The following ALKBH4 variants were observed in gnomAD, a reference collection of about 807,000 sequenced individuals.
ALKBH4 encodes the protein alpha-ketoglutarate-dependent dioxygenase alkB homolog 4.
In ALKBH4, 8 loss-of-function variants were observed where a neutral mutation model predicts 12.1. The ratio of observed to expected loss-of-function variants is 0.66; its 90% CI spans 0.39 to 1.19. The LOEUF (loss-of-function observed/expected upper bound fraction) is 1.19. Among genes scored for constraint, ALKBH4 ranks in the 50% most tolerant of loss-of-function variants. ALKBH4 has a pLI of 0.01. For synonymous variants in ALKBH4, 195 were observed against 191.6 expected (o/e 1.02, Z -0.15); for missense variants, 403 against 430.4 (o/e 0.94, Z 0.56).
chr7:102,463,313 A>G (rs2133256425), intron 1 of ALKBH4, among the ~76,000 whole-genome samples: 1 of 145,024 alleles, frequency 6.9e-6, no homozygotes, highest in African/African-American at 2.5e-5. Context: ...TTTGTGGATC[A>G]AGTCATCTCT....
chr7:102,460,331 A>T (rs1472080098), intron 1 of ALKBH4, among the ~76,000 whole-genome samples: 4 of 26,254 alleles, frequency 1.5e-4, no homozygotes, highest in African/African-American at 3.1e-4. Flanking sequence ...TCTCAAAAAA[A>T]AAAAAAGAAA....
At chr7:102,464,218 G>C (rs1310221243) in intron 1 of ALKBH4, among the ~76,000 whole-genome samples, 6 of 152,186 alleles carry the variant, frequency 3.9e-5, no homozygotes, top group Admixed American at 3.9e-4. Context: ...TTGTGAGACA[G>C]AGTCTCGCTC....
rs560144986 is a variant in ALKBH4, at chr7:102,464,021, G to A, written c.123+693C>T. On this transcript the variant is annotated intron_variant, in intron 1 of 2. Coordinates refer to ENST00000292566, the MANE Select transcript of ALKBH4 (RefSeq NM_017621.4). ...GCCTGCTCAGCTGATGCACCGGGGA[G>A]CATCTGTGATCAGACCTCCCCCCCC... 2.6e-5 allele frequency among the ~76,000 whole-genome samples: 4 copies of A among 151,108 alleles called. No homozygotes were observed. In the South Asian group the frequency reaches 8.4e-4, roughly 32 times the overall value.
chr7:102,456,793 T>C lies in ALKBH4; in HGVS notation c.*601A>G, dbSNP rs1323211857. 1 of 151,986 alleles carries C rather than the reference T, an allele frequency of 6.6e-6. No homozygotes were observed. The highest frequency in any genetic ancestry group is 1.5e-5 in the Non-Finnish European group (1 of 68,052). 9.4% of individuals were successfully genotyped at this position (151,986 alleles called of 1,614,324 possible). The stretch of plus-strand genomic sequence containing the variant: ...GAGATATCGGGAAACCCCATGAAAA[T>C]AGATGCATAATAAAGGTGAAAATCA... On this transcript the variant is annotated 3_prime_UTR_variant, in exon 3 of 3. Coordinates refer to ENST00000292566, the MANE Select transcript of ALKBH4 (RefSeq NM_017621.4).
At chr7:102,459,827 G>T in intron 1 of ALKBH4, 26 bp from the exon 2 acceptor site, 2 of 1,566,790 alleles carry the variant, frequency 1.3e-6, no homozygotes, top group Non-Finnish European at 1.7e-6. Flanking sequence ...AAGTCCACAG[G>T]CTGGGCAACA....
In ALKBH4 at chr7:102,463,851, G is replaced by A. The variant is rs144404115; in HGVS notation, c.123+863C>T. Among the ~76,000 whole-genome samples, 124 of 152,350 alleles carry A rather than the reference G, an allele frequency of 8.1e-4. No individual in the cohort carries two copies. In the South Asian group the frequency reaches 9.7e-3, roughly 12 times the overall value. Reference sequence around the variant, plus strand: ...GACCTTGGGCACTTTTACCATGGACGTTGGGGCAGTCTTCACTGGCTTACC... The same window carrying A: ...GACCTTGGGCACTTTTACCATGGACATTGGGGCAGTCTTCACTGGCTTACC... On this transcript the variant is annotated intron_variant, in intron 1 of 2. Coordinates refer to ENST00000292566, the MANE Select transcript of ALKBH4 (RefSeq NM_017621.4).
At position 102,460,887 on chromosome 7, in the gene ALKBH4, C is replaced by T. The variant is rs143649360; in HGVS notation, c.124-1086G>A. ...CCTCAGTGTCCCAACCTCCCTTCTC[C>T]TCACTCTTGTCCTCAGGGCACCTTT... On this transcript the variant is annotated intron_variant, in intron 1 of 2. Coordinates refer to ENST00000292566, the MANE Select transcript of ALKBH4 (RefSeq NM_017621.4). Among the ~76,000 whole-genome samples the T allele has an allele frequency of 7.7e-4, 117 of 152,302 alleles. 1 individual carries two copies. The highest frequency in any genetic ancestry group is 2.8e-3 in the African/African-American group (116 of 41,564).
chr7:102,457,354 C>G lies in ALKBH4; in HGVS notation c.*40G>C. On this transcript the variant is annotated 3_prime_UTR_variant, in exon 3 of 3. Transcript: ENST00000292566. The surrounding 1 kb of genome is among the most constrained non-coding windows in gnomAD (Gnocchi z 5.9). Reference sequence around the variant, plus strand: ...AGGCCCTGTTCTGTGCTCCTCATTTCAATCCCGGGATCAGTCAAGTCTGGA... The same window carrying G: ...AGGCCCTGTTCTGTGCTCCTCATTTGAATCCCGGGATCAGTCAAGTCTGGA... 6.4e-7 allele frequency: 1 copy of G among 1,571,184 alleles called. No homozygotes were observed.
intron 1 of ALKBH4, among the ~76,000 whole-genome samples, chr7:102,462,095 C>T (rs1349942452): frequency 2.0e-5 from 3 of 152,216 alleles, no homozygotes; most frequent in African/African-American, 7.2e-5. Context: ...CTGGGAGTCC[C>T]CCGTGTGTCG....
chr7:102,461,017 C>CT (rs1023804294), intron 1 of ALKBH4, among the ~76,000 whole-genome samples: 36 of 152,274 alleles, frequency 2.4e-4, no homozygotes, highest in African/African-American at 8.4e-4. Context: ...TGGCGGTACT[C>CT]TAAGGGTTCC....
At chr7:102,463,770 C>T (rs956033846) in intron 1 of ALKBH4, among the ~76,000 whole-genome samples, 5 of 152,174 alleles carry the variant, frequency 3.3e-5, no homozygotes, top group Admixed American at 6.5e-5. Context: ...AGCAGGATTG[C>T]GGATCATGGG....
chr7:102,458,100 T>C (rs1797702127), intron 2 of ALKBH4, 119 bp from the exon 3 acceptor site: 4 of 1,010,390 alleles, frequency 4.0e-6, no homozygotes, highest in Non-Finnish European at 5.6e-6. Flanking sequence ...CCTGGCTTCA[T>C]GGAGGTGAAG....
Position 102,456,777 on chromosome 7 carries a change from G to A in ALKBH4, c.*617C>T, listed in dbSNP as rs1257323737. ...GAAGGGACTGGACAGTGAGATATCG[G>A]GAAACCCCATGAAAATAGATGCATA... is the stretch of plus-strand genomic sequence containing the variant. On this transcript the variant is annotated 3_prime_UTR_variant, in exon 3 of 3. Transcript: ENST00000292566. The A allele has an allele frequency of 6.6e-6, 1 of 152,006 alleles. No homozygotes were observed. Among genetic ancestry groups the A allele is most frequent in the Non-Finnish European group, 1.5e-5 (1 of 68,086 alleles). 9.4% of individuals were successfully genotyped at this position (152,006 alleles called of 1,614,324 possible).
chr7:102,457,221 G>C lies in ALKBH4; in HGVS notation c.*173C>G, dbSNP rs1175132018. ...GTGTGGCCACGGTCCAGGTGGAAGG[G>C]GGCTGCCTGGAGGTACGTTCCCATC... On this transcript the variant is annotated 3_prime_UTR_variant, in exon 3 of 3. Transcript: ENST00000292566. The surrounding 1 kb of genome is among the most constrained non-coding windows in gnomAD (Gnocchi z 5.9). 4.4e-6 allele frequency: 3 copies of C among 685,060 alleles called. No homozygotes were observed. In the African/African-American group the frequency reaches 5.4e-5, roughly 12 times the overall value. The allele number at this position is 685,060 out of a possible 1,614,324, so 42.4% of individuals were successfully genotyped here.
intron 2 of ALKBH4, chr7:102,459,337 CT>C: frequency 2.7e-6 from 1 of 372,496 alleles, no homozygotes; most frequent in Non-Finnish European, 4.9e-6. Flanking sequence ...AATGGGGTGC[CT>C]TCACCACCAC....
intron 2 of ALKBH4, 64 bp downstream of exon 2, chr7:102,459,540 C>T: frequency 2.0e-6 from 3 of 1,531,226 alleles, no homozygotes; most frequent in South Asian, 1.3e-5. Flanking sequence ...GGGGATGGCC[C>T]CCAGCAGTAG....
chr7:102,464,250 G>A (rs1392701604), intron 1 of ALKBH4, among the ~76,000 whole-genome samples: 8 of 152,172 alleles, frequency 5.3e-5, no homozygotes, highest in African/African-American at 1.9e-4. Flanking sequence ...CTGAAGTGAG[G>A]TGGCTCGATC....
intron 1 of ALKBH4, among the ~76,000 whole-genome samples, chr7:102,462,955 CTTTTT>C (rs200495061): frequency 2.5e-5 from 3 of 121,914 alleles, no homozygotes; most frequent in Non-Finnish European, 3.4e-5. Context: ...TCAAAATGTC[CTTTTT>C]TTTTTTTTTT....
intron 2 of ALKBH4, 139 bp from the exon 3 acceptor site, chr7:102,458,120 G>C: frequency 2.5e-6 from 2 of 812,548 alleles, no homozygotes; most frequent in Non-Finnish European, 1.9e-6. Flanking sequence ...GCAGGAGGAG[G>C]CAGACTCAAG....
Sources: allele counts gnomAD v4.1 joint callset (sites outside exome capture counted in the v4.1 genomes callset), GRCh38; gene constraint gnomAD v4.1.1; non-coding constraint Gnocchi (gnomAD v3.1); transcripts MANE v1.5; gene names NCBI Gene and HGNC (gene_info 2026-07-23, HGNC 2026-07-21).